The following WDFY3 variants were observed in gnomAD, a reference collection of about 807,000 sequenced individuals.
WDFY3 encodes the protein WD repeat and FYVE domain containing 3, also known as WD repeat and FYVE domain-containing protein 3.
Under a neutral mutation model 409.6 loss-of-function variants are expected in WDFY3, and 66 were observed. That is an observed-to-expected ratio of 0.16 (90% confidence interval 0.13 to 0.20). The LOEUF (loss-of-function observed/expected upper bound fraction) is 0.20, where lower values mean the gene tolerates loss of function less well. Ranked by LOEUF, WDFY3 falls within the 10% of genes least tolerant of loss-of-function variation. The probability of loss-of-function intolerance (pLI) is 1.00; values close to 1 mark genes in which losing one functional copy is unlikely to be tolerated. For missense variants in WDFY3, 3,031 were observed against 4,298.1 expected, an observed-to-expected ratio of 0.71 and a Z score of 8.24; for synonymous variants, 1,521 against 1,537.1, an observed-to-expected ratio of 0.99 and a Z score of 0.25.
chr4:84,852,248 G>A (rs1228216424), intron 4 of WDFY3, among the ~76,000 whole-genome samples: 1 of 152,176 alleles, frequency 6.6e-6, no homozygotes, highest in Non-Finnish European at 1.5e-5. Context: ...GGATACACTG[G>A]ACAAAGGAAT....
chr4:84,741,612 G>C (rs903790693), intron 38 of WDFY3, 149 bp downstream of exon 38: 1 of 942,390 alleles, frequency 1.1e-6, no homozygotes, highest in African/African-American at 1.7e-5. Context: ...ACTGCGCCCA[G>C]CCTGTCTCTA....
chr4:84,939,992 C>A (rs1228301639), intron 1 of WDFY3, among the ~76,000 whole-genome samples: 1 of 152,086 alleles, frequency 6.6e-6, no homozygotes, highest in Non-Finnish European at 1.5e-5. Flanking sequence ...ATTACATGTA[C>A]ATATATATTG....
At chr4:84,795,952 T>C (rs939965568) in intron 19 of WDFY3, among the ~76,000 whole-genome samples, 2 of 152,106 alleles carry the variant, frequency 1.3e-5, no homozygotes, top group African/African-American at 2.4e-5. Flanking sequence ...GTGACAGTCA[T>C]TGAATATTTA....
rs779559572 is a variant in WDFY3 at position 84,860,403 on chromosome 4, T to C, written c.180+9A>G. 2 of 1,605,656 alleles carry C rather than the reference T, an allele frequency of 1.2e-6. No homozygotes were observed. Among genetic ancestry groups the C allele is most frequent in the East Asian group, 2.2e-5 (1 of 44,678 alleles). On this transcript the variant is annotated intron_variant, in intron 4 of 67. Coordinates refer to ENST00000295888, the MANE Select transcript of WDFY3 (RefSeq NM_014991.6). ...CCCGGAAGGTGTGTGTCTGGCAACCTGGACTTACCCTGTTAAACACTGGCA... is the reference window on the plus strand; with the variant it reads ...CCCGGAAGGTGTGTGTCTGGCAACCCGGACTTACCCTGTTAAACACTGGCA...
chr4:84,940,764 A>G (rs1321619516), intron 1 of WDFY3, among the ~76,000 whole-genome samples: 1 of 152,126 alleles, frequency 6.6e-6, no homozygotes, highest in Non-Finnish European at 1.5e-5. Flanking sequence ...ACATAAATGC[A>G]AAAACTTTTA....
chr4:84,677,670 T>C (rs1255885643), intron 66 of WDFY3, among the ~76,000 whole-genome samples: 2 of 152,000 alleles, frequency 1.3e-5, no homozygotes, highest in Non-Finnish European at 2.9e-5. Flanking sequence ...AATTCAGAAT[T>C]TAAATCCAGT....
chr4:84,711,141 T>C (rs913107340), intron 51 of WDFY3, among the ~76,000 whole-genome samples: 7 of 152,190 alleles, frequency 4.6e-5, no homozygotes, highest in African/African-American at 1.4e-4. Flanking sequence ...CAGTCGATTA[T>C]AAAGGGCTAC....
At chr4:84,856,792 G>T (rs1000908494) in intron 4 of WDFY3, among the ~76,000 whole-genome samples, 12 of 152,162 alleles carry the variant, frequency 7.9e-5, no homozygotes, top group Non-Finnish European at 1.3e-4. Flanking sequence ...ATCAAGCAAA[G>T]TCTCAAAAAT....
chr4:84,702,638 G>A (rs1271918596), intron 55 of WDFY3, 132 bp from the exon 56 acceptor site: 16 of 710,994 alleles, frequency 2.3e-5, no homozygotes, highest in East Asian at 6.2e-5. Context: ...CATTAAATAC[G>A]CACAAATTTT....
chr4:84,678,862 C>T, intron 65 of WDFY3, 57 bp downstream of exon 65: 1 of 1,540,340 alleles, frequency 6.5e-7, no homozygotes, highest in East Asian at 2.3e-5. Flanking sequence ...TGCCTCAATC[C>T]ACCAACCCTC....
At chr4:84,907,646 A>T (rs983342824) in intron 2 of WDFY3, among the ~76,000 whole-genome samples, 1 of 152,186 alleles carries the variant, frequency 6.6e-6, no homozygotes, top group African/African-American at 2.4e-5. Context: ...ACTGTGAGAT[A>T]ATAAATGCTT....
chr4:84,709,099 A>G, intron 52 of WDFY3, 71 bp from the exon 53 acceptor site: 1 of 1,570,286 alleles, frequency 6.4e-7, no homozygotes, highest in Non-Finnish European at 8.7e-7. Context: ...AAAATTTTAT[A>G]TACAAAATGA....
In WDFY3 at chr4:84,829,183, C is replaced by T; in HGVS notation, c.777G>A (p.Glu259=). 1 of 1,561,394 alleles carries T rather than the reference C, an allele frequency of 6.4e-7. No homozygotes were observed. The highest frequency in any genetic ancestry group is 8.7e-7 in the Non-Finnish European group (1 of 1,151,568). The part of the protein sequence containing the change: ...VNVVKYIHEK[E]CLSTCVQNMQ... ...TATTCTGAACACATGTAGATAAACA[C>T]TCTTTCTCTGTAAGAATAGATAATT... Residue 259 remains glutamate (E), a synonymous_variant, in exon 9 of 68, where the codon GAG becomes GAA. Transcript: ENST00000295888.
Position 84,679,070 on chromosome 4 carries a change from T to C in WDFY3, c.9996A>G (p.Arg3332=). 6.2e-7 allele frequency: 1 copy of C among 1,614,196 alleles called. No homozygotes were observed. The highest frequency in any genetic ancestry group is 2.2e-5 in the East Asian group (1 of 44,878). ...CTAGACTGAGCTGGTCGGACCAGCGTCTGGAGTCGTCAGAGCCACTGTCAG... is the reference window on the plus strand; with the variant it reads ...CTAGACTGAGCTGGTCGGACCAGCGCCTGGAGTCGTCAGAGCCACTGTCAG... ...WCTDSGSDDS[R]RWSDQLSLDE... Residue 3332 remains arginine, a synonymous_variant, in exon 65 of 68, where the codon AGA becomes AGG. Coordinates refer to ENST00000295888, the MANE Select transcript of WDFY3 (RefSeq NM_014991.6).
At chr4:84,673,833 C>T (rs982486548) in intron 67 of WDFY3, among the ~76,000 whole-genome samples, 1 of 151,976 alleles carries the variant, frequency 6.6e-6, no homozygotes, top group Non-Finnish European at 1.5e-5. Context: ...TCCAGGCTGT[C>T]CTCAAACTCC....
chr4:84,828,047 T>A (rs1388598454), intron 9 of WDFY3, among the ~76,000 whole-genome samples: 1 of 130,070 alleles, frequency 7.7e-6, no homozygotes, highest in Non-Finnish European at 1.6e-5. Flanking sequence ...GCCACTGCAC[T>A]CCAGCCTGGG....
chr4:84,704,669 C>T (rs1055636019), intron 54 of WDFY3, among the ~76,000 whole-genome samples: 2 of 152,156 alleles, frequency 1.3e-5, no homozygotes. Context: ...TTCCCACAAA[C>T]TTAGTATGTC....
chr4:84,903,229 A>C (rs1766575867), intron 2 of WDFY3, among the ~76,000 whole-genome samples: 1 of 152,198 alleles, frequency 6.6e-6, no homozygotes, highest in Non-Finnish European at 1.5e-5. Context: ...ATTTCAAATA[A>C]ATGGAAAACC....
chr4:84,849,608 C>T (rs2150104378), intron 5 of WDFY3: 1 of 176,876 alleles, frequency 5.7e-6, no homozygotes, highest in Non-Finnish European at 1.1e-5. Context: ...GATAGCTTTG[C>T]CTTAAATTTC....
Sources: allele counts gnomAD v4.1 joint callset (sites outside exome capture counted in the v4.1 genomes callset), GRCh38; gene constraint gnomAD v4.1.1; transcripts MANE v1.5; gene names NCBI Gene and HGNC (gene_info 2026-07-23, HGNC 2026-07-21).